The following LRP1B variants were observed in gnomAD, a reference collection of about 807,000 sequenced individuals.
The protein encoded by LRP1B is low-density lipoprotein receptor-related protein 1B.
In LRP1B, 217 loss-of-function variants were observed where a neutral mutation model predicts 556.6. The observed-to-expected ratio is 0.39, with a 90% CI of 0.35 to 0.44. The LOEUF is 0.44. Ranked by LOEUF, LRP1B falls within the 20% of genes least tolerant of loss-of-function variation. The probability of loss-of-function intolerance (pLI) is 1.00; values close to 1 mark genes in which losing one functional copy is unlikely to be tolerated. For missense variants in LRP1B, 5,053 were observed against 5,620.8 expected, an observed-to-expected ratio of 0.90 and a Z score of 3.23; for synonymous variants, 2,047 against 1,865.8, an observed-to-expected ratio of 1.10 and a Z score of -2.50.
chr2:141,731,557 A>G (rs1015431123), intron 2 of LRP1B, among the ~76,000 whole-genome samples: 4 of 151,982 alleles, frequency 2.6e-5, no homozygotes, highest in African/African-American at 9.7e-5. Flanking sequence ...AGAGGAAAAG[A>G]GAAGCTTTGT....
At chr2:140,950,172 C>G (rs1695671025) in intron 20 of LRP1B, 63 bp downstream of exon 20, 1 of 1,213,328 alleles carries the variant, frequency 8.2e-7, no homozygotes, top group Non-Finnish European at 1.1e-6. Context: ...CTCTGTAATA[C>G]CCTAAGTATT....
intron 18 of LRP1B, among the ~76,000 whole-genome samples, chr2:140,964,672 T>C (rs1280703228): frequency 6.6e-6 from 1 of 151,424 alleles, no homozygotes; most frequent in Non-Finnish European, 1.5e-5. Flanking sequence ...AGGATTATCA[T>C]AATATTGGAA....
intron 7 of LRP1B, among the ~76,000 whole-genome samples, chr2:141,124,673 A>AG (rs1270828529): frequency 2.7e-5 from 4 of 149,370 alleles, no homozygotes; most frequent in African/African-American, 1.0e-4. Context: ...TGAAAAAAAA[A>AG]AAAAAAAGAA....
chr2:140,569,676 C>T (rs114612106), intron 43 of LRP1B, among the ~76,000 whole-genome samples: 2,373 of 151,910 alleles, frequency 0.016, 54 homozygotes, highest in African/African-American at 0.054. Flanking sequence ...ATTTAAATAA[C>T]ACTTTAAACC....
intron 11 of LRP1B, among the ~76,000 whole-genome samples, chr2:141,046,135 A>C (rs879531670): frequency 6.6e-6 from 1 of 152,140 alleles, no homozygotes; most frequent in Non-Finnish European, 1.5e-5. Flanking sequence ...TTATTTCTTA[A>C]GAGGGAGAAT....
chr2:141,299,808 C>G (rs1686317654), intron 3 of LRP1B, among the ~76,000 whole-genome samples: 1 of 152,088 alleles, frequency 6.6e-6, no homozygotes, highest in Non-Finnish European at 1.5e-5. Flanking sequence ...GTGGCTGAAT[C>G]AGAATGTTTA....
At chr2:141,331,411 A>T (rs1687639420) in intron 3 of LRP1B, among the ~76,000 whole-genome samples, 1 of 152,242 alleles carries the variant, frequency 6.6e-6, no homozygotes, top group African/African-American at 2.4e-5. Context: ...GGAGATGGGA[A>T]TTGGCAGATG....
chr2:140,383,761 C>G (rs1683641574), intron 67 of LRP1B, among the ~76,000 whole-genome samples: 1 of 152,176 alleles, frequency 6.6e-6, no homozygotes, highest in Non-Finnish European at 1.5e-5. Context: ...TCGCTGTCAT[C>G]TCTCCTCTGC....
intron 5 of LRP1B, among the ~76,000 whole-genome samples, chr2:141,234,401 G>A (rs1683579663): frequency 6.6e-6 from 1 of 151,890 alleles, no homozygotes; most frequent in African/African-American, 2.4e-5. Context: ...TTTTGAGACA[G>A]AGTCTTGCTC....
At chr2:141,568,172 G>A (rs1686401020) in intron 2 of LRP1B, among the ~76,000 whole-genome samples, 1 of 151,164 alleles carries the variant, frequency 6.6e-6, no homozygotes, top group South Asian at 2.1e-4. Flanking sequence ...TTGGACATAA[G>A]TGCGGGATAA....
intron 1 of LRP1B, among the ~76,000 whole-genome samples, chr2:141,818,147 A>T (rs974325720): frequency 2.0e-5 from 3 of 152,186 alleles, no homozygotes; most frequent in African/African-American, 4.8e-5. Context: ...TAAAAGAGAA[A>T]TATGGTTATA....
At chr2:140,689,310 C>T (rs1686157062) in intron 41 of LRP1B, among the ~76,000 whole-genome samples, 1 of 152,178 alleles carries the variant, frequency 6.6e-6, no homozygotes, top group Admixed American at 6.5e-5. Context: ...AAACTGTGTT[C>T]AAATAAGGCA....
At chr2:141,076,355 G>A (rs1363291579) in intron 7 of LRP1B, among the ~76,000 whole-genome samples, 1 of 152,126 alleles carries the variant, frequency 6.6e-6, no homozygotes, top group Non-Finnish European at 1.5e-5. Flanking sequence ...AGGTATGCCA[G>A]CAATTATATA....
At chr2:141,850,174 G>A (rs1697798078) in intron 1 of LRP1B, among the ~76,000 whole-genome samples, 1 of 151,646 alleles carries the variant, frequency 6.6e-6, no homozygotes, top group African/African-American at 2.4e-5. Context: ...GCTGTCTGTA[G>A]CAAGGATTAA....
At chr2:141,856,446 C>G (rs1461883061) in intron 1 of LRP1B, among the ~76,000 whole-genome samples, 1 of 151,992 alleles carries the variant, frequency 6.6e-6, no homozygotes, top group Non-Finnish European at 1.5e-5. Context: ...CATGGGAAAC[C>G]ACTGTTCATA....
intron 15 of LRP1B, among the ~76,000 whole-genome samples, chr2:140,998,406 G>C (rs1340998102): frequency 6.6e-6 from 1 of 152,000 alleles, no homozygotes; most frequent in Non-Finnish European, 1.5e-5. Flanking sequence ...GATTGTTCAT[G>C]TCTTCATTTA....
intron 43 of LRP1B, among the ~76,000 whole-genome samples, chr2:140,595,092 A>ATCTATATC (rs1385323966): frequency 1.7e-3 from 25 of 14,382 alleles, no homozygotes; most frequent in African/African-American, 4.8e-3. Flanking sequence ...AATTGAATAT[A>ATCTATATC]TATATATATA....
At chr2:141,596,534 A>T (rs1277107524) in intron 2 of LRP1B, among the ~76,000 whole-genome samples, 1 of 152,090 alleles carries the variant, frequency 6.6e-6, no homozygotes, top group Non-Finnish European at 1.5e-5. Flanking sequence ...AATAATAATG[A>T]CAGAATACAT....
At chr2:141,625,794 G>A (rs759454061) in intron 2 of LRP1B, among the ~76,000 whole-genome samples, 4 of 151,974 alleles carry the variant, frequency 2.6e-5, no homozygotes. Flanking sequence ...CAGTTTCCCA[G>A]GACTCTTTCT....
Sources: gnomAD v4.1 joint callset for allele counts (sites outside exome capture counted in the v4.1 genomes callset) on GRCh38, gnomAD v4.1.1 for gene constraint, MANE v1.5 for transcripts, NCBI Gene and HGNC (gene_info 2026-07-23, HGNC 2026-07-21) for gene names.